The following CNKSR2 variants were observed in gnomAD, a reference collection of about 807,000 sequenced individuals.
CNKSR2 encodes connector enhancer of kinase suppressor of Ras 2.
CNKSR2 carries 14 observed loss-of-function variants against 84.4 expected under a neutral mutation model. The observed-to-expected ratio is 0.17, with a 90% CI of 0.11 to 0.26. The LOEUF is 0.26. CNKSR2 is among the 10% of genes least tolerant of loss of function. The pLI is 1.00. For synonymous variants in CNKSR2, 275 were observed against 277.9 expected (o/e 0.99, Z 0.10); for missense variants, 485 against 771.2 (o/e 0.63, Z 4.40).
chrX:21,437,974 T>G (rs1461720383), intron 3 of CNKSR2, among the ~76,000 whole-genome samples: 4 of 111,850 alleles, frequency 3.6e-5, no homozygotes, highest in African/African-American at 9.8e-5. Context: ...GTTTTTTAAA[T>G]TCTTATGTCT....
chrX:21,616,190 C>A (rs2092575808), intron 20 of CNKSR2, among the ~76,000 whole-genome samples: 1 of 111,228 alleles, frequency 9.0e-6, no homozygotes, highest in African/African-American at 3.3e-5. Context: ...TTATATTTTT[C>A]CCAGCTTTAT....
intron 7 of CNKSR2, among the ~76,000 whole-genome samples, chrX:21,499,292 G>A (rs970586180): frequency 1.8e-5 from 2 of 111,722 alleles, no homozygotes; most frequent in African/African-American, 6.5e-5. Flanking sequence ...GGTATTGGAA[G>A]AATTTTAAAA....
chrX:21,530,616 G>A (rs933884452), intron 10 of CNKSR2, among the ~76,000 whole-genome samples: 1 of 110,881 alleles, frequency 9.0e-6, no homozygotes, highest in Non-Finnish European at 1.9e-5. Context: ...TTTCTGGTTT[G>A]ACAGCATTTA....
chrX:21,622,767 A>C (rs1163416584), intron 20 of CNKSR2, among the ~76,000 whole-genome samples: 2 of 111,765 alleles, frequency 1.8e-5, no homozygotes, highest in African/African-American at 6.5e-5. Context: ...ACATGTATTG[A>C]TCTCATTTTC....
At chrX:21,563,933 T>C (rs1452466731) in intron 13 of CNKSR2, among the ~76,000 whole-genome samples, 1 of 110,797 alleles carries the variant, frequency 9.0e-6, no homozygotes, top group Non-Finnish European at 1.9e-5. Flanking sequence ...TTAACTGTTG[T>C]GATGGGTGGG....
chrX:21,625,412 A>G (rs1443942133), intron 20 of CNKSR2, among the ~76,000 whole-genome samples: 1 of 111,991 alleles, frequency 8.9e-6, no homozygotes, highest in Non-Finnish European at 1.9e-5. Context: ...TTTGGCTGCA[A>G]CCCCTTCCAA....
chrX:21,482,097 A>C (rs1039107699), intron 5 of CNKSR2, among the ~76,000 whole-genome samples: 1 of 111,854 alleles, frequency 8.9e-6, no homozygotes, highest in Non-Finnish European at 1.9e-5. Flanking sequence ...TACCTAATAC[A>C]GTATCATTAA....
chrX:21,518,379 C>T (rs895980193), intron 9 of CNKSR2, among the ~76,000 whole-genome samples: 6 of 110,978 alleles, frequency 5.4e-5, no homozygotes, highest in Admixed American at 9.6e-5. Flanking sequence ...CTTCTTTAGT[C>T]CCTCATATTT....
At chrX:21,530,254 G>A (rs1339682269) in intron 10 of CNKSR2, among the ~76,000 whole-genome samples, 1 of 111,529 alleles carries the variant, frequency 9.0e-6, no homozygotes, top group African/African-American at 3.2e-5. Context: ...AGAGTAAATT[G>A]TAATGTAAAT....
At chrX:21,399,365 G>A (rs1391106696) in intron 1 of CNKSR2, among the ~76,000 whole-genome samples, 1 of 110,990 alleles carries the variant, frequency 9.0e-6, no homozygotes, top group African/African-American at 3.3e-5. Flanking sequence ...TTTTTATATG[G>A]AAGTAACTTG....
Position 21,432,767 on chromosome X carries a change from T to C in CNKSR2, c.384T>C (p.Val128=), listed in dbSNP as rs774211561. The change falls in exon 3 of 22, where the codon GTT becomes GTC. Residue 128 remains valine, a synonymous_variant. Coordinates refer to ENST00000379510, the MANE Select transcript of CNKSR2 (RefSeq NM_014927.5). ...RKLPNDFLTS[V]VDLIGAAKSL... ...TGCCAAACGACTTTCTGACCTCAGT[T>C]GTGGATCTGATTGGAGCAGCCAAGA... 1 of 1,210,581 alleles carries C rather than the reference T, an allele frequency of 8.3e-7. No individual in the cohort carries two copies. Among genetic ancestry groups the C allele is most frequent in the Admixed American group, 2.2e-5 (1 of 45,777 alleles).
intron 1 of CNKSR2, among the ~76,000 whole-genome samples, chrX:21,415,831 T>TACACAC (rs1186167941): frequency 1.9e-5 from 1 of 52,389 alleles, no homozygotes; most frequent in African/African-American, 8.2e-5. Context: ...TATATACATA[T>TACACAC]ATACACACAC....
rs1469042142 is a variant in CNKSR2, at chrX:21,497,843, A to T, written c.738A>T (p.Glu246Asp). 1.1e-6 allele frequency: 1 copy of T among 869,997 alleles called. No homozygotes were observed. Among genetic ancestry groups the T allele is most frequent in the Admixed American group, 2.2e-5 (1 of 45,257 alleles). 71.7% of individuals were successfully genotyped at this position (869,997 alleles called of 1,213,427 possible). The change falls in exon 7 of 22, where the codon GAA becomes GAT. Residue 246 changes from glutamate to aspartate, a missense_variant. Physicochemically the swap from Glu to Asp is conservative, Grantham distance 45. Transcript: ENST00000379510. ...DGLHVITGTT[E>D]NSPADRCKKI... is the part of the protein sequence containing the mutation. Reference sequence around the variant, plus strand: ...TCCATGTAATTACTGGAACCACAGAAAATGTAAGTATTCTAACCTTTCAAA... The same window carrying T: ...TCCATGTAATTACTGGAACCACAGATAATGTAAGTATTCTAACCTTTCAAA...
In CNKSR2 at chrX:21,636,305, C is replaced by G. The variant is rs147317518; in HGVS notation, c.2693-12526C>G. Among the ~76,000 whole-genome samples, 20 of 109,998 alleles carry G rather than the reference C, an allele frequency of 1.8e-4. No individual in the cohort carries two copies. In the East Asian group the frequency reaches 5.7e-3, roughly 31 times the overall value. ...AATCCACATAAATTTAAAACCTGCA[C>G]TGTTCATCTCTAAAGTATTTGGGAG... On this transcript the variant is annotated intron_variant, in intron 20 of 21. Transcript: ENST00000379510.
At chrX:21,574,342 C>G (rs1474959332) in intron 13 of CNKSR2, among the ~76,000 whole-genome samples, 1 of 111,807 alleles carries the variant, frequency 8.9e-6, no homozygotes, top group African/African-American at 3.3e-5. Flanking sequence ...CCCCACTCTA[C>G]TGGTACCAAT....
intron 20 of CNKSR2, chrX:21,642,894 A>G (rs2092696170): frequency 2.9e-6 from 2 of 689,387 alleles, no homozygotes; most frequent in African/African-American, 4.7e-5. Flanking sequence ...AACCATTTTA[A>G]TGTGTTTTTT....
chrX:21,532,756 C>T (rs868056348), intron 11 of CNKSR2, among the ~76,000 whole-genome samples: 1 of 111,807 alleles, frequency 8.9e-6, no homozygotes, highest in Middle Eastern at 4.6e-3. Context: ...TGTGGTTCTT[C>T]TGCAAGAATA....
intron 11 of CNKSR2, among the ~76,000 whole-genome samples, chrX:21,552,114 C>A (rs910757013): frequency 9.3e-6 from 1 of 107,439 alleles, no homozygotes; most frequent in African/African-American, 3.4e-5. Context: ...AAAAAAAAAA[C>A]TATAATAAAT....
At chrX:21,635,735 A>G (rs1361483306) in intron 20 of CNKSR2, among the ~76,000 whole-genome samples, 1 of 110,322 alleles carries the variant, frequency 9.1e-6, no homozygotes, top group Non-Finnish European at 1.9e-5. Context: ...TGGCAGAAGT[A>G]TGTAAGGGCA....
Sources: gnomAD v4.1 joint callset for allele counts (sites outside exome capture counted in the v4.1 genomes callset) on GRCh38, gnomAD v4.1.1 for gene constraint, MANE v1.5 for transcripts, NCBI Gene and HGNC (gene_info 2026-07-23, HGNC 2026-07-21) for gene names.